The following PDCD6IP variants were observed in gnomAD, a reference collection of about 807,000 sequenced individuals.
The protein encoded by PDCD6IP is programmed cell death 6 interacting protein, also known as programmed cell death 6-interacting protein.
PDCD6IP carries 43 observed loss-of-function variants against 103.7 expected under a neutral mutation model. The observed-to-expected ratio is 0.41, with a 90% CI of 0.32 to 0.53. The LOEUF is 0.53. Ranked by LOEUF, PDCD6IP falls within the 20% of genes least tolerant of loss-of-function variation. PDCD6IP has a pLI of 0.16. For synonymous variants in PDCD6IP, 354 were observed against 378.7 expected (o/e 0.93, Z 0.76); for missense variants, 871 against 1,036.7 (o/e 0.84, Z 2.20).
chr3:33,864,792 A>G (rs1306333753), intron 16 of PDCD6IP, among the ~76,000 whole-genome samples: 1 of 152,380 alleles, frequency 6.6e-6, no homozygotes, highest in Non-Finnish European at 1.5e-5. Flanking sequence ...GCAAATATAT[A>G]TGGATGTAGT....
At position 33,836,166 on chromosome 3, in the gene PDCD6IP, T is replaced by C. The variant is rs765219311; in HGVS notation, c.957T>C (p.Tyr319=). 6.2e-7 allele frequency: 1 copy of C among 1,613,032 alleles called. No homozygotes were observed. The highest frequency in any genetic ancestry group is 8.5e-7 in the Non-Finnish European group (1 of 1,178,958). Residue 319 remains tyrosine, a synonymous_variant, in exon 8 of 18, where the codon TAT becomes TAC. Transcript: ENST00000307296. ...AAAKKDNDFI[Y]HDRVPDLKDL... is the part of the protein sequence containing the mutation. ...CAAAGAAGGATAATGACTTCATTTA[T>C]CATGATCGAGTTCCAGACCTTAAAG... is the stretch of plus-strand genomic sequence containing the variant.
intron 3 of PDCD6IP, among the ~76,000 whole-genome samples, chr3:33,821,505 G>C (rs953868896): frequency 5.3e-5 from 8 of 152,072 alleles, no homozygotes; most frequent in African/African-American, 1.9e-4. Context: ...TTGCATGAGG[G>C]AGTAAAGCAT....
In PDCD6IP at chr3:33,866,648, A is replaced by G. The variant is rs1203344330; in HGVS notation, c.*123A>G. The G allele has an allele frequency of 2.9e-6, 2 of 691,562 alleles. No homozygotes were observed. The highest frequency in any genetic ancestry group is 4.5e-5 in the South Asian group (1 of 22,118). 42.8% of individuals were successfully genotyped at this position (691,562 alleles called of 1,614,324 possible). ...TACTCTCCTGGACTGAATGCAGTGT[A>G]TAATTTCTGTCTACAGCTAGAAGCT... On this transcript the variant is annotated 3_prime_UTR_variant, in exon 18 of 18. Coordinates refer to ENST00000307296, the MANE Select transcript of PDCD6IP (RefSeq NM_013374.6).
rs140225420 is a variant in PDCD6IP at position 33,828,883 on chromosome 3, T to C, written c.748T>C (p.Cys250Arg). 6.2e-7 allele frequency: 1 copy of C among 1,612,964 alleles called. No individual in the cohort carries two copies. Among genetic ancestry groups the C allele is most frequent in the Non-Finnish European group, 8.5e-7 (1 of 1,179,154 alleles). ...GTTCCCTGTCTTGGCTGCAAAGCAC[T>C]GTATCATGCAGGCCAATGCTGAGTA... ...EVFPVLAAKH[C>R]IMQANAEYHQ... The change falls in exon 7 of 18, where the codon TGT (cysteine) becomes CGT (arginine). Residue 250 changes from cysteine (C) to arginine (R), a missense_variant. Cys to Arg is a radical substitution (Grantham distance 180). Transcript: ENST00000307296.
chr3:33,834,452 T>G (rs1697305694), intron 7 of PDCD6IP, among the ~76,000 whole-genome samples: 2 of 152,366 alleles, frequency 1.3e-5, no homozygotes, highest in South Asian at 4.1e-4. Context: ...TAAAAAGTGA[T>G]TTAAATTTGT....
At chr3:33,812,416 G>T (rs938756937) in intron 2 of PDCD6IP, among the ~76,000 whole-genome samples, 1 of 152,066 alleles carries the variant, frequency 6.6e-6, no homozygotes, top group African/African-American at 2.4e-5. Flanking sequence ...CCTTTCCTTT[G>T]ACTTTTTCAG....
rs754825932 is a variant in PDCD6IP, at chr3:33,842,126, G to A, written c.1359+52G>A. 4 of 1,036,592 alleles carry A rather than the reference G, an allele frequency of 3.9e-6. No homozygotes were observed. In the East Asian group the frequency reaches 7.1e-5, roughly 19 times the overall value. The allele number at this position is 1,036,592 out of a possible 1,614,324, so 64.2% of individuals were successfully genotyped here. On this transcript the variant is annotated intron_variant, in intron 10 of 17. Transcript: ENST00000307296. ...AGTATAAACACTGTGATCCCTTGAT[G>A]TCCAGCAGGGATTGGGACTGGAGAC... is the stretch of plus-strand genomic sequence containing the variant.
intron 1 of PDCD6IP, among the ~76,000 whole-genome samples, chr3:33,806,094 T>C (rs1205089294): frequency 1.3e-5 from 2 of 152,106 alleles, no homozygotes; most frequent in African/African-American, 4.8e-5. Context: ...TTGTGGTATT[T>C]CAAAGAAATG....
chr3:33,819,532 G>A (rs1323011673), intron 3 of PDCD6IP, among the ~76,000 whole-genome samples: 1 of 152,144 alleles, frequency 6.6e-6, no homozygotes, highest in Non-Finnish European at 1.5e-5. Context: ...TGGTGTTTAT[G>A]TCTGCTTTAG....
intron 2 of PDCD6IP, 105 bp from the exon 3 acceptor site, chr3:33,813,454 G>A (rs1331816847): frequency 1.4e-6 from 1 of 706,678 alleles, no homozygotes; most frequent in African/African-American, 1.8e-5. Context: ...AATATTTTGA[G>A]CTTTTGTCCT....
At chr3:33,858,431 C>T (rs760341652) in intron 15 of PDCD6IP, among the ~76,000 whole-genome samples, 12 of 152,122 alleles carry the variant, frequency 7.9e-5, no homozygotes, top group African/African-American at 1.7e-4. Flanking sequence ...GGTTGTAGTG[C>T]GCTATGATTG....
intron 3 of PDCD6IP, among the ~76,000 whole-genome samples, chr3:33,816,529 GAAAA>G (rs1012199131): frequency 8.8e-6 from 1 of 113,492 alleles, no homozygotes; most frequent in Non-Finnish European, 1.8e-5. Flanking sequence ...AAAAAAAAAA[GAAAA>G]TATCTCCAGG....
At chr3:33,832,634 A>T (rs1301911153) in intron 7 of PDCD6IP, among the ~76,000 whole-genome samples, 1 of 152,138 alleles carries the variant, frequency 6.6e-6, no homozygotes, top group Non-Finnish European at 1.5e-5. Flanking sequence ...CACTGATCTG[A>T]CATTCTGACT....
chr3:33,799,264 GTC>G lies in PDCD6IP; in HGVS notation c.209+331_209+332del, dbSNP rs147934522. 8.1e-4 allele frequency: 228 copies of G among 282,934 alleles called. 1 individual carries two copies. The highest frequency in any genetic ancestry group is 4.6e-3 in the African/African-American group (211 of 46,162). 17.5% of individuals were successfully genotyped at this position (282,934 alleles called of 1,614,324 possible). ...TTAGAACTAGTCTTCACTTTTTTGGGTCTCTAACTGAAGCTTCCCCTTTCGCC... is the reference window on the plus strand; with the variant it reads ...TTAGAACTAGTCTTCACTTTTTTGGGTCTAACTGAAGCTTCCCCTTTCGCC... On this transcript the variant is annotated intron_variant, in intron 1 of 17. Transcript: ENST00000307296.
chr3:33,848,682 C>T (rs1443578451), intron 12 of PDCD6IP, among the ~76,000 whole-genome samples: 12 of 152,238 alleles, frequency 7.9e-5, no homozygotes, highest in East Asian at 7.7e-4. Context: ...GGATTACAGG[C>T]GTGAGCTACC....
chr3:33,801,411 A>G (rs1028619165), intron 1 of PDCD6IP, among the ~76,000 whole-genome samples: 3 of 152,188 alleles, frequency 2.0e-5, no homozygotes, highest in African/African-American at 7.2e-5. Context: ...TGCTCCAGTG[A>G]TAGACTTGTT....
chr3:33,839,344 A>G (rs1391636522), intron 9 of PDCD6IP, among the ~76,000 whole-genome samples: 1 of 152,212 alleles, frequency 6.6e-6, no homozygotes, highest in Non-Finnish European at 1.5e-5. Context: ...TATGTACAGT[A>G]TATACTTAGA....
chr3:33,812,448 A>G (rs1381939714), intron 2 of PDCD6IP, among the ~76,000 whole-genome samples: 4 of 152,232 alleles, frequency 2.6e-5, no homozygotes, highest in African/African-American at 9.6e-5. Flanking sequence ...AAACTGCACA[A>G]TTCAGGAATT....
At chr3:33,806,104 GTATT>G (rs1696591895) in intron 1 of PDCD6IP, among the ~76,000 whole-genome samples, 2 of 152,042 alleles carry the variant, frequency 1.3e-5, no homozygotes, top group Admixed American at 1.3e-4. Context: ...TCAAAGAAAT[GTATT>G]TATTTCCTAG....
Sources: allele counts gnomAD v4.1 joint callset (sites outside exome capture counted in the v4.1 genomes callset), GRCh38; gene constraint gnomAD v4.1.1; transcripts MANE v1.5; gene names NCBI Gene and HGNC (gene_info 2026-07-23, HGNC 2026-07-21).